KMT2C: variants seen among roughly 807,000 people sequenced by gnomAD.
The protein encoded by KMT2C is histone-lysine N-methyltransferase 2C.
A neutral mutation model predicts 507.9 loss-of-function variants in KMT2C; 88 were observed. The ratio of observed to expected loss-of-function variants is 0.17; its 90% confidence interval spans 0.15 to 0.21. KMT2C has a LOEUF of 0.21. Among genes scored for constraint, KMT2C ranks in the 10% least tolerant of loss-of-function variants. The pLI is 1.00. For synonymous variants in KMT2C, 2,049 were observed against 2,080.8 expected (o/e 0.98, Z 0.42); for missense variants, 4,954 against 5,957.8 (o/e 0.83, Z 5.55).
chr7:152,358,281 T>TA (rs1051222615), intron 2 of KMT2C, among the ~76,000 whole-genome samples: 4 of 152,198 alleles, frequency 2.6e-5, no homozygotes, highest in African/African-American at 9.7e-5. Context: ...TAGGCCAGAA[T>TA]ATACTATGAG....
intron 23 of KMT2C, among the ~76,000 whole-genome samples, chr7:152,218,066 T>C (rs2094633017): frequency 6.6e-6 from 1 of 152,152 alleles, no homozygotes; most frequent in Admixed American, 6.5e-5. Context: ...TGAAAATCAG[T>C]TACATACAAG....
chr7:152,276,632 A>C (rs2096085378), intron 6 of KMT2C, among the ~76,000 whole-genome samples: 1 of 152,142 alleles, frequency 6.6e-6, no homozygotes, highest in African/African-American at 2.4e-5. Context: ...ATGCACCTAT[A>C]GTCCCAGCTA....
chr7:152,412,721 A>T (rs1440655186), intron 1 of KMT2C, among the ~76,000 whole-genome samples: 1 of 152,230 alleles, frequency 6.6e-6, no homozygotes, highest in Non-Finnish European at 1.5e-5. Context: ...CTTGGATCAC[A>T]TAAGAATTTC....
Position 152,187,363 on chromosome 7 carries a change from G to A in KMT2C, c.4907C>T (p.Thr1636Met), listed in dbSNP as rs773744238. Residue 1636 changes from threonine to methionine, a missense_variant, in exon 33 of 59, where the codon ACG (threonine) becomes ATG (methionine). Coordinates refer to ENST00000262189, the MANE Select transcript of KMT2C (RefSeq NM_170606.3). ...AGCCTCCTCTTTCTCCCACTTAAGCGTGCTTCTCTGGGCATTCGACATTGT... is the reference window on the plus strand; with the variant it reads ...AGCCTCCTCTTTCTCCCACTTAAGCATGCTTCTCTGGGCATTCGACATTGT... ...NDTMSNAQRS[T>M]LKWEKEEALG... The A allele has an allele frequency of 1.8e-5, 29 of 1,613,874 alleles. No individual in the cohort carries two copies. The highest frequency in any genetic ancestry group is 2.3e-5 in the Non-Finnish European group (27 of 1,179,908).
chr7:152,434,659 C>T (rs1004978158), intron 1 of KMT2C, among the ~76,000 whole-genome samples: 1 of 152,174 alleles, frequency 6.6e-6, no homozygotes, highest in Non-Finnish European at 1.5e-5. Context: ...TTCCACGGCA[C>T]ACGCGAGAGC....
intron 39 of KMT2C, 59 bp downstream of exon 39, chr7:152,174,072 T>A: frequency 1.1e-6 from 1 of 888,120 alleles, no homozygotes. Flanking sequence ...TTCTAAAAAC[T>A]AGTAATGATT....
At chr7:152,139,137 C>T (rs770457219) in intron 57 of KMT2C, 49 bp downstream of exon 57, 1 of 1,565,154 alleles carries the variant, frequency 6.4e-7, no homozygotes, top group Non-Finnish European at 8.8e-7. Flanking sequence ...TCCACCAGCA[C>T]TGGCCCCACA....
chr7:152,422,867 C>CA (rs1385050290), intron 1 of KMT2C, among the ~76,000 whole-genome samples: 1 of 151,246 alleles, frequency 6.6e-6, no homozygotes, highest in East Asian at 2.0e-4. Flanking sequence ...AATAAAAATA[C>CA]AAAAAATTAG....
chr7:152,336,347 GTC>G (rs769597661), intron 2 of KMT2C, among the ~76,000 whole-genome samples: 3 of 152,090 alleles, frequency 2.0e-5, no homozygotes, highest in Non-Finnish European at 4.4e-5. Context: ...GAGTGTTTAT[GTC>G]TCTCTCTCTT....
intron 18 of KMT2C, among the ~76,000 whole-genome samples, chr7:152,229,490 G>GT (rs1336672032): frequency 6.6e-6 from 1 of 152,052 alleles, no homozygotes; most frequent in Non-Finnish European, 1.5e-5. Flanking sequence ...CACTTGTTTT[G>GT]TTTCTTTTGG....
intron 55 of KMT2C, among the ~76,000 whole-genome samples, chr7:152,143,654 G>A (rs1182855757): frequency 6.6e-6 from 1 of 152,186 alleles, no homozygotes; most frequent in African/African-American, 2.4e-5. Context: ...TTTCTCAGAC[G>A]GAAGGTCACG....
At chr7:152,190,944 A>ACCT (rs1267548365) in intron 31 of KMT2C, among the ~76,000 whole-genome samples, 1 of 152,136 alleles carries the variant, frequency 6.6e-6, no homozygotes, top group African/African-American at 2.4e-5. Context: ...AAGATCCTAT[A>ACCT]CCTCTCACTC....
chr7:152,291,867 C>A (rs899717761), intron 6 of KMT2C, among the ~76,000 whole-genome samples: 5 of 152,184 alleles, frequency 3.3e-5, no homozygotes, highest in African/African-American at 1.2e-4. Context: ...TCTATGGACA[C>A]ATCTTTGTTT....
chr7:152,177,596 T>G lies in KMT2C; in HGVS notation c.7857A>C (p.Leu2619=), dbSNP rs775204435. 5 of 1,614,110 alleles carry G rather than the reference T, an allele frequency of 3.1e-6. No homozygotes were observed. The highest frequency in any genetic ancestry group is 4.2e-6 in the Non-Finnish European group (5 of 1,180,020). ...CTTGTTCCAAATCTGGGTGCACAGG[T>G]AGCTGATTAGGTAGACCCTGGGGAG... ...RRPPQGLPNQ[L]PVHPDLEQVP... is the part of the protein sequence containing the mutation. Residue 2619 remains leucine (L), a synonymous_variant, in exon 38 of 59, where the codon CTA becomes CTC. Transcript: ENST00000262189.
At chr7:152,378,455 T>C (rs1442758771) in intron 1 of KMT2C, among the ~76,000 whole-genome samples, 10 of 151,652 alleles carry the variant, frequency 6.6e-5, no homozygotes, top group African/African-American at 1.7e-4. Context: ...CAATAAAGTA[T>C]TTTTAAATTA....
intron 56 of KMT2C, 145 bp downstream of exon 56, chr7:152,139,530 A>G (rs2090284021): frequency 3.1e-6 from 2 of 646,604 alleles, no homozygotes; most frequent in East Asian, 5.3e-5. Flanking sequence ...ACTGATAAAA[A>G]TACACTAATA....
intron 23 of KMT2C, among the ~76,000 whole-genome samples, chr7:152,209,020 G>A (rs181107809): frequency 1.4e-4 from 22 of 152,122 alleles, no homozygotes; most frequent in African/African-American, 5.3e-4. Context: ...TTATCTGGGC[G>A]TGGTGGTACA....
intron 2 of KMT2C, among the ~76,000 whole-genome samples, chr7:152,339,426 T>C (rs1013953869): frequency 5.9e-5 from 9 of 152,200 alleles, no homozygotes; most frequent in African/African-American, 2.2e-4. Flanking sequence ...TCATTCACCC[T>C]CATCACTACT....
chr7:152,163,917 G>A, intron 42 of KMT2C, 91 bp from the exon 43 acceptor site: 3 of 1,298,418 alleles, frequency 2.3e-6, no homozygotes, highest in Non-Finnish European at 3.3e-6. Context: ...AGGTTACACA[G>A]AGGGCAGTTT....
Sources: gnomAD v4.1 joint callset for allele counts (sites outside exome capture counted in the v4.1 genomes callset) on GRCh38, gnomAD v4.1.1 for gene constraint, MANE v1.5 for transcripts, NCBI Gene and HGNC (gene_info 2026-07-23, HGNC 2026-07-21) for gene names.